The following AGBL4 variants were observed in gnomAD, a reference collection of about 807,000 sequenced individuals.
The protein encoded by AGBL4 is AGBL carboxypeptidase 4.
AGBL4 carries 58 observed loss-of-function variants against 66.4 expected under a neutral mutation model. The observed-to-expected ratio is 0.87, with a 90% CI of 0.71 to 1.09. The LOEUF is 1.09. Among genes scored for constraint, AGBL4 ranks in the 50% least tolerant of loss-of-function variants. The probability of loss-of-function intolerance (pLI) is 0.00; values close to 1 mark genes in which losing one functional copy is unlikely to be tolerated. For synonymous variants in AGBL4, 234 were observed against 222.9 expected, an observed-to-expected ratio of 1.05 and a Z score of -0.44; for missense variants, 579 against 631.0, an observed-to-expected ratio of 0.92 and a Z score of 0.88.
chr1:49,379,760 G>A (rs543023244), intron 3 of AGBL4, among the ~76,000 whole-genome samples: 213 of 152,156 alleles, frequency 1.4e-3, no homozygotes, highest in African/African-American at 4.9e-3. Context: ...GCTTTTTGAT[G>A]TGCTGCTGGA....
At chr1:48,612,860 A>G (rs1437818413) in intron 9 of AGBL4, among the ~76,000 whole-genome samples, 2 of 152,312 alleles carry the variant, frequency 1.3e-5, no homozygotes, top group East Asian at 3.9e-4. Context: ...AGGGCCAGGC[A>G]CGATGGCTCA....
chr1:49,398,681 A>C (rs1226000777), intron 3 of AGBL4, among the ~76,000 whole-genome samples: 1 of 152,074 alleles, frequency 6.6e-6, no homozygotes, highest in Admixed American at 6.6e-5. Context: ...AATCTTCAAA[A>C]CTATTTGACT....
At chr1:49,347,183 A>G (rs1010793429) in intron 3 of AGBL4, among the ~76,000 whole-genome samples, 4 of 151,790 alleles carry the variant, frequency 2.6e-5, no homozygotes, top group South Asian at 2.1e-4. Flanking sequence ...GGTTGATGCA[A>G]TCCTCCTCTT....
intron 1 of AGBL4, among the ~76,000 whole-genome samples, chr1:49,986,578 C>A (rs961682930): frequency 6.6e-6 from 1 of 152,048 alleles, no homozygotes; most frequent in Non-Finnish European, 1.5e-5. Context: ...ATAGATCCTA[C>A]CAAACTGTTT....
intron 6 of AGBL4, among the ~76,000 whole-genome samples, chr1:48,716,036 G>A (rs1647044771): frequency 6.6e-6 from 1 of 152,142 alleles, no homozygotes; most frequent in Non-Finnish European, 1.5e-5. Context: ...CTAACTTGAT[G>A]GACATGTTTA....
intron 3 of AGBL4, among the ~76,000 whole-genome samples, chr1:49,384,819 C>G (rs1166573955): frequency 6.6e-6 from 1 of 152,070 alleles, no homozygotes; most frequent in Non-Finnish European, 1.5e-5. Context: ...AATGATACAG[C>G]CTCTCTAGAA....
intron 3 of AGBL4, among the ~76,000 whole-genome samples, chr1:49,573,070 T>C (rs1644363169): frequency 6.6e-6 from 1 of 152,012 alleles, no homozygotes; most frequent in African/African-American, 2.4e-5. Flanking sequence ...CACAAGTTAT[T>C]ATGGGACCTT....
intron 3 of AGBL4, among the ~76,000 whole-genome samples, chr1:49,596,663 A>G (rs1029784441): frequency 3.3e-5 from 5 of 152,230 alleles, no homozygotes; most frequent in African/African-American, 7.2e-5. Flanking sequence ...TTTACAATGA[A>G]AGTGAAAAAT....
intron 1 of AGBL4, among the ~76,000 whole-genome samples, chr1:49,951,999 G>A (rs1488218798): frequency 6.6e-6 from 1 of 151,858 alleles, no homozygotes; most frequent in Non-Finnish European, 1.5e-5. Context: ...CAGGGTCTGG[G>A]AGAAGTGATG....
At chr1:48,651,111 G>T (rs1645922883) in intron 8 of AGBL4, among the ~76,000 whole-genome samples, 1 of 152,142 alleles carries the variant, frequency 6.6e-6, no homozygotes, top group African/African-American at 2.4e-5. Context: ...TAGGCTCTTT[G>T]TTGTACAGTT....
At chr1:49,054,745 T>C (rs999696463) in intron 4 of AGBL4, among the ~76,000 whole-genome samples, 4 of 152,054 alleles carry the variant, frequency 2.6e-5, no homozygotes, top group African/African-American at 7.2e-5. Context: ...CCACACTTTC[T>C]GTCTTTACTG....
intron 4 of AGBL4, among the ~76,000 whole-genome samples, chr1:49,139,022 G>T (rs1387791188): frequency 1.3e-5 from 2 of 152,084 alleles, no homozygotes; most frequent in African/African-American, 4.8e-5. Context: ...GTCAGCAGTA[G>T]AGAGAGAGCA....
chr1:49,231,055 G>A (rs1042779438), intron 4 of AGBL4, among the ~76,000 whole-genome samples: 4 of 152,162 alleles, frequency 2.6e-5, no homozygotes, highest in African/African-American at 7.2e-5. Flanking sequence ...TGGAGACTAT[G>A]TAGGGTTTTA....
intron 6 of AGBL4, among the ~76,000 whole-genome samples, chr1:48,797,172 C>G (rs1645699134): frequency 6.6e-6 from 1 of 152,108 alleles, no homozygotes; most frequent in Non-Finnish European, 1.5e-5. Flanking sequence ...ACCCAAAAAC[C>G]CTTGTTCCCA....
chr1:49,058,437 CAT>C (rs1278045873), intron 4 of AGBL4, among the ~76,000 whole-genome samples: 1 of 152,172 alleles, frequency 6.6e-6, no homozygotes, highest in African/African-American at 2.4e-5. Flanking sequence ...TGAAGGAGGA[CAT>C]GTTTGCTTCC....
At position 49,190,391 on chromosome 1, in the gene AGBL4, C is replaced by A. The variant is rs374568813; in HGVS notation, c.377+55379G>T. Among the ~76,000 whole-genome samples the A allele has an allele frequency of 1.4e-4, 22 of 152,246 alleles. 1 individual carries two copies. The East Asian group carries it at 3.3e-3, about 23-fold the overall frequency. On this transcript the variant is annotated intron_variant, in intron 4 of 13. Transcript: ENST00000371839. ...TTGTTTAAACAAGAAAATTATGGTTCCCTGAAGGGAAAAGGCTTGGATCTG... is the reference window on the plus strand; with the variant it reads ...TTGTTTAAACAAGAAAATTATGGTTACCTGAAGGGAAAAGGCTTGGATCTG...
At chr1:49,887,195 A>G (rs983352975) in intron 1 of AGBL4, among the ~76,000 whole-genome samples, 2 of 149,346 alleles carry the variant, frequency 1.3e-5, no homozygotes, top group African/African-American at 2.5e-5. Flanking sequence ...ATATATGTGT[A>G]TGTATATATA....
chr1:49,489,602 T>C (rs989813953), intron 3 of AGBL4, among the ~76,000 whole-genome samples: 1 of 151,900 alleles, frequency 6.6e-6, no homozygotes, highest in Non-Finnish European at 1.5e-5. Context: ...ACTCAAGAAA[T>C]CTTTGCCCAG....
At position 48,716,599 on chromosome 1, in the gene AGBL4, T is replaced by C. The variant is rs916906720; in HGVS notation, c.635-53358A>G. Reference sequence around the variant, plus strand: ...ATGTCATTCATCGTGCCCATGGGGCTGAAGGAACAGGCTTCTTCTCGACAT... The same window carrying C: ...ATGTCATTCATCGTGCCCATGGGGCCGAAGGAACAGGCTTCTTCTCGACAT... On this transcript the variant is annotated intron_variant, in intron 6 of 13. Coordinates refer to ENST00000371839, the MANE Select transcript of AGBL4 (RefSeq NM_032785.4). Among the ~76,000 whole-genome samples the C allele has an allele frequency of 2.0e-5, 3 of 152,314 alleles. No individual in the cohort carries two copies. In the East Asian group the frequency reaches 5.8e-4, roughly 29 times the overall value.
Sources: allele counts gnomAD v4.1 joint callset (sites outside exome capture counted in the v4.1 genomes callset), GRCh38; gene constraint gnomAD v4.1.1; transcripts MANE v1.5; gene names NCBI Gene and HGNC (gene_info 2026-07-23, HGNC 2026-07-21).